Variants in RSU1 observed in about 807,000 individuals in gnomAD.
RSU1 encodes the protein Ras suppressor protein 1.
In RSU1, 26 loss-of-function variants were observed where a neutral mutation model predicts 31.1. The ratio of observed to expected loss-of-function variants is 0.84; its 90% confidence interval spans 0.61 to 1.16. The LOEUF (loss-of-function observed/expected upper bound fraction) is 1.16. Ranked by LOEUF, RSU1 falls within the 50% of genes most tolerant of loss-of-function variation. The pLI is 0.00. For synonymous variants in RSU1, 164 were observed against 136.3 expected, an observed-to-expected ratio of 1.20 and a Z score of -1.41; for missense variants, 320 against 339.1, an observed-to-expected ratio of 0.94 and a Z score of 0.44.
rs1472968837 is a variant in RSU1 at position 16,624,403 on chromosome 10, A to T, written c.732-30907T>A. On this transcript the variant is annotated intron_variant, in intron 8 of 8. Transcript: ENST00000345264. ...TCACTCCTCACCTTTTGGAAATATG[A>T]TCCCTCCTCCTGAGAGCCCAGTTCT... Among the ~76,000 whole-genome samples the T allele has an allele frequency of 2.0e-5, 3 of 151,910 alleles. No individual in the cohort carries two copies. In the East Asian group the frequency reaches 5.8e-4, roughly 29 times the overall value.
At chr10:16,727,953 A>G (rs958457486) in intron 7 of RSU1, among the ~76,000 whole-genome samples, 5 of 152,194 alleles carry the variant, frequency 3.3e-5, no homozygotes, top group Non-Finnish European at 5.9e-5. Context: ...TTATCTACAG[A>G]AAAACTAAAA....
intron 7 of RSU1, among the ~76,000 whole-genome samples, chr10:16,724,448 A>C (rs988194329): frequency 1.3e-5 from 2 of 152,394 alleles, no homozygotes; most frequent in African/African-American, 4.8e-5. Context: ...CAATGAACAC[A>C]TGGCTCCTTG....
intron 2 of RSU1, among the ~76,000 whole-genome samples, chr10:16,806,622 T>A (rs1838273586): frequency 6.6e-6 from 1 of 152,230 alleles, no homozygotes; most frequent in Non-Finnish European, 1.5e-5. Context: ...ATAGATGGCA[T>A]GGTATTTCAA....
At chr10:16,769,789 AT>A (rs1401091381) in intron 3 of RSU1, among the ~76,000 whole-genome samples, 1 of 152,252 alleles carries the variant, frequency 6.6e-6, no homozygotes, top group Non-Finnish European at 1.5e-5. Flanking sequence ...TCTGATCCAA[AT>A]AAAGATGCCT....
intron 8 of RSU1, among the ~76,000 whole-genome samples, chr10:16,652,074 G>GA (rs1834693666): frequency 1.3e-5 from 2 of 152,062 alleles, no homozygotes; most frequent in South Asian, 4.2e-4. Flanking sequence ...GGTGCAGGGG[G>GA]AGAGTAAAAA....
chr10:16,800,648 GAAAT>G (rs1838135130), intron 2 of RSU1, among the ~76,000 whole-genome samples: 5 of 152,178 alleles, frequency 3.3e-5, no homozygotes, highest in Admixed American at 2.6e-4. Flanking sequence ...ACAGATAACT[GAAAT>G]GAATGATACC....
intron 8 of RSU1, among the ~76,000 whole-genome samples, chr10:16,633,478 G>A (rs1564292743): frequency 1.3e-5 from 2 of 152,080 alleles, no homozygotes. Context: ...AACATCCAGA[G>A]CTGTTACCCC....
intron 8 of RSU1, among the ~76,000 whole-genome samples, chr10:16,604,342 A>G (rs933202441): frequency 6.6e-6 from 1 of 152,190 alleles, no homozygotes; most frequent in Non-Finnish European, 1.5e-5. Context: ...TGGAGAGAGA[A>G]CCTGCCCATC....
intron 8 of RSU1, among the ~76,000 whole-genome samples, chr10:16,667,387 G>A (rs778733528): frequency 1.4e-4 from 21 of 152,150 alleles, no homozygotes; most frequent in Non-Finnish European, 2.5e-4. Context: ...ACATGAACTA[G>A]TGACTACTCT....
At chr10:16,682,801 A>AG (rs1399002637) in intron 8 of RSU1, among the ~76,000 whole-genome samples, 10 of 152,042 alleles carry the variant, frequency 6.6e-5, no homozygotes, top group African/African-American at 2.4e-4. Flanking sequence ...GCCATTACAC[A>AG]GGACCACACA....
intron 7 of RSU1, among the ~76,000 whole-genome samples, chr10:16,737,139 G>C (rs2131606200): frequency 6.6e-6 from 1 of 152,038 alleles, no homozygotes; most frequent in South Asian, 2.1e-4. Flanking sequence ...AGTTCTAGGA[G>C]AGGAGAGAGA....
intron 8 of RSU1, among the ~76,000 whole-genome samples, chr10:16,637,061 G>A (rs1268306810): frequency 6.6e-6 from 1 of 152,188 alleles, no homozygotes; most frequent in Non-Finnish European, 1.5e-5. Context: ...AGTGGAACAT[G>A]TTCCTTTATT....
At chr10:16,692,591 T>G (rs1411350648) in intron 8 of RSU1, among the ~76,000 whole-genome samples, 3 of 152,114 alleles carry the variant, frequency 2.0e-5, no homozygotes, top group Admixed American at 1.3e-4. Flanking sequence ...TAAGAAAAAA[T>G]TAGAGCCCCA....
chr10:16,629,246 T>C (rs796428997), intron 8 of RSU1, among the ~76,000 whole-genome samples: 5 of 152,292 alleles, frequency 3.3e-5, no homozygotes, highest in African/African-American at 1.2e-4. Flanking sequence ...TACCAGGTGA[T>C]ATCGATGCTG....
rs11254220 is a variant in RSU1, at chr10:16,813,037, T to C, written c.109+3936A>G. Among the ~76,000 whole-genome samples the C allele has an allele frequency of 6.7e-4, 101 of 151,454 alleles. 1 individual carries two copies. The East Asian group carries it at 0.019, about 28-fold the overall frequency. Reference sequence around the variant, plus strand: ...CTTGTTCTGTCACCTAGTAACACGATCATAGCTCACTACAAACTCAAACTC... The same window carrying C: ...CTTGTTCTGTCACCTAGTAACACGACCATAGCTCACTACAAACTCAAACTC... On this transcript the variant is annotated intron_variant, in intron 2 of 8. Coordinates refer to ENST00000345264, the MANE Select transcript of RSU1 (RefSeq NM_012425.4).
At chr10:16,600,581 T>G (rs931559287) in intron 8 of RSU1, among the ~76,000 whole-genome samples, 3 of 151,664 alleles carry the variant, frequency 2.0e-5, no homozygotes, top group Admixed American at 6.6e-5. Flanking sequence ...GGGGGGTGGT[T>G]TTTGAGACAG....
chr10:16,594,297 C>T (rs1471492815), intron 8 of RSU1, among the ~76,000 whole-genome samples: 2 of 152,168 alleles, frequency 1.3e-5, no homozygotes, highest in African/African-American at 4.8e-5. Flanking sequence ...TGAGGGTTGG[C>T]ACAGAGCCTG....
rs1471453416 is a variant in RSU1 at position 16,817,351 on chromosome 10, C to G, written c.-40G>C. ...GCCCCTAAGACGATGGGCGTGCAAC[C>G]ACAAGCTTCGGCAGAACGCACTCCA... On this transcript the variant is annotated 5_prime_UTR_variant, in exon 1 of 9. Transcript: ENST00000345264. 4.7e-6 allele frequency: 2 copies of G among 429,298 alleles called. No homozygotes were observed. Among genetic ancestry groups the G allele is most frequent in the African/African-American group, 2.0e-5 (1 of 49,458 alleles). The allele number at this position is 429,298 out of a possible 1,614,324, so 26.6% of individuals were successfully genotyped here.
chr10:16,734,205 C>A (rs1168203234), intron 7 of RSU1, among the ~76,000 whole-genome samples: 3 of 152,232 alleles, frequency 2.0e-5, no homozygotes, highest in African/African-American at 7.2e-5. Context: ...AAAGCCAACA[C>A]CTCTTTAAAG....
Sources: gnomAD v4.1 joint callset for allele counts (sites outside exome capture counted in the v4.1 genomes callset) on GRCh38, gnomAD v4.1.1 for gene constraint, MANE v1.5 for transcripts, NCBI Gene and HGNC (gene_info 2026-07-23, HGNC 2026-07-21) for gene names.